NDRG2: variants seen among roughly 807,000 people sequenced by gnomAD.
NDRG2 encodes NDRG family member 2.
NDRG2 carries 34 observed loss-of-function variants against 58.2 expected under a neutral mutation model. The ratio of observed to expected loss-of-function variants is 0.58; its 90% CI spans 0.44 to 0.78. The LOEUF is 0.78. Among genes scored for constraint, NDRG2 ranks in the 30% least tolerant of loss-of-function variants. The probability of loss-of-function intolerance (pLI) is 0.00; values close to 1 mark genes in which losing one functional copy is unlikely to be tolerated. For synonymous variants in NDRG2, 187 were observed against 175.9 expected, an observed-to-expected ratio of 1.06 and a Z score of -0.50; for missense variants, 434 against 471.2, an observed-to-expected ratio of 0.92 and a Z score of 0.73.
chr14:21,044,613 G>T (rs1400047119), intron 1 of NDRG2, among the ~76,000 whole-genome samples: 1 of 152,110 alleles, frequency 6.6e-6, no homozygotes, highest in Non-Finnish European at 1.5e-5. Flanking sequence ...TGTCCCCCTG[G>T]GCTACAGATA....
At chr14:21,031,277 C>A (rs751758302) in intron 1 of NDRG2, 219 of 1,376,542 alleles carry the variant, frequency 1.6e-4, no homozygotes, top group Non-Finnish European at 2.0e-4. Context: ...CCGAAACAGA[C>A]TTTAGAGATC....
At chr14:21,056,699 T>G (rs1404604082) in intron 1 of NDRG2, among the ~76,000 whole-genome samples, 1 of 152,230 alleles carries the variant, frequency 6.6e-6, no homozygotes, top group Non-Finnish European at 1.5e-5. Context: ...CTTTCCTCTT[T>G]CCTTTTTAGC....
intron 11 of NDRG2, 89 bp from the exon 12 acceptor site, chr14:21,018,903 GCTCCAAAGAGGAAAGACACTTCTGTGT>G: frequency 6.5e-7 from 1 of 1,531,636 alleles, no homozygotes. Context: ...AAAATATCTG[GCTCCAAAGAGGAAAGACACTTCTGTGT>G]CTCCCTGCTG....
chr14:21,037,282 C>A (rs1468064690), intron 1 of NDRG2, among the ~76,000 whole-genome samples: 1 of 152,266 alleles, frequency 6.6e-6, no homozygotes, highest in Non-Finnish European at 1.5e-5. Flanking sequence ...CCTAGAGGTG[C>A]TGATGCATAA....
intron 1 of NDRG2, among the ~76,000 whole-genome samples, chr14:21,050,376 C>T (rs926519299): frequency 4.6e-5 from 7 of 152,176 alleles, no homozygotes; most frequent in Admixed American, 2.6e-4. Context: ...TCTGCTACTC[C>T]GGACCAGGGT....
At position 21,024,065 on chromosome 14, in the gene NDRG2, G is replaced by T; in HGVS notation, c.-42C>A. The T allele has an allele frequency of 2.0e-6, 2 of 985,586 alleles. No individual in the cohort carries two copies. Among genetic ancestry groups the T allele is most frequent in the South Asian group, 4.7e-5 (1 of 21,282 alleles). The allele number at this position is 985,586 out of a possible 1,614,324, so 61.1% of individuals were successfully genotyped here. ...TTGGCTGGATGCAGTGGGATTAGGG[G>T]TCAGGGTTCTCACTCCTTCTGACTC... On this transcript the variant is annotated 5_prime_UTR_variant, in exon 1 of 16. Coordinates refer to ENST00000556147, the MANE Select transcript of NDRG2 (RefSeq NM_001320329.2).
chr14:21,024,091 T>C lies in NDRG2; in HGVS notation c.-68A>G. 9 of 985,462 alleles carry C rather than the reference T, an allele frequency of 9.1e-6. No homozygotes were observed. Among genetic ancestry groups the C allele is most frequent in the Non-Finnish European group, 1.1e-5 (9 of 829,972 alleles). The allele number at this position is 985,462 out of a possible 1,614,324, so 61.0% of individuals were successfully genotyped here. Reference sequence around the variant, plus strand: ...TCAGGGTTCTCACTCCTTCTGACTCTGGGGTCTGAGAAAACACAGCAACGA... The same window carrying C: ...TCAGGGTTCTCACTCCTTCTGACTCCGGGGTCTGAGAAAACACAGCAACGA... On this transcript the variant is annotated 5_prime_UTR_variant, in exon 1 of 16. Coordinates refer to ENST00000556147, the MANE Select transcript of NDRG2 (RefSeq NM_001320329.2).
intron 1 of NDRG2, among the ~76,000 whole-genome samples, chr14:21,053,151 C>T (rs1042785185): frequency 3.3e-5 from 5 of 152,146 alleles, no homozygotes; most frequent in Admixed American, 2.6e-4. Context: ...AGTGAAGATT[C>T]ATGTCACTGA....
Position 21,017,975 on chromosome 14 carries a change from C to T in NDRG2, c.949+12G>A, listed in dbSNP as rs775223826. ...CTCCTCTAGTGCAGCAAGCTCTTGT[C>T]CCGATACTCACTGTAGCCCATGCCT... On this transcript the variant is annotated intron_variant, in intron 15 of 15. Coordinates refer to ENST00000556147, the MANE Select transcript of NDRG2 (RefSeq NM_001320329.2). 1.9e-6 allele frequency: 3 copies of T among 1,614,062 alleles called. No homozygotes were observed. Among genetic ancestry groups the T allele is most frequent in the Admixed American group, 1.7e-5 (1 of 60,010 alleles).
chr14:21,033,960 G>C (rs774419472), intron 1 of NDRG2: 5 of 1,613,936 alleles, frequency 3.1e-6, no homozygotes, highest in Non-Finnish European at 3.4e-6. Flanking sequence ...GGAGCAGACC[G>C]TGATGGGGAG....
At chr14:21,025,109 C>T (rs892599933), upstream of NDRG2, 1 of 985,088 alleles carries the variant, frequency 1.0e-6, no homozygotes, top group Non-Finnish European at 1.2e-6. This position sits in a 1 kb window ranked among gnomAD's most constrained non-coding sequence, Gnocchi z 5.1. Flanking sequence ...CAGACCCGCC[C>T]CCGGCCCGCC....
intron 1 of NDRG2, among the ~76,000 whole-genome samples, chr14:21,047,451 A>G (rs182850125): frequency 9.2e-5 from 14 of 152,328 alleles, no homozygotes; most frequent in Admixed American, 9.2e-4. Context: ...CAGCCAAGTT[A>G]AAGGATGCCA....
chr14:21,030,905 C>G, intron 1 of NDRG2: 1 of 1,518,634 alleles, frequency 6.6e-7, no homozygotes, highest in Non-Finnish European at 8.9e-7. Flanking sequence ...GAGACACTCA[C>G]TGATTGATAG....
chr14:21,043,856 G>A (rs368620532), intron 1 of NDRG2: 47 of 199,196 alleles, frequency 2.4e-4, no homozygotes, highest in African/African-American at 1.0e-3. Flanking sequence ...CAGCTCTGAC[G>A]TGGCAGTGAG....
At chr14:21,026,260 G>A (rs546483299), upstream of NDRG2, among the ~76,000 whole-genome samples, 1 of 152,234 alleles carries the variant, frequency 6.6e-6, no homozygotes, top group South Asian at 2.1e-4. Flanking sequence ...ATTCGAAGTT[G>A]TTTAGGCAAA....
At chr14:21,019,803 G>A in intron 9 of NDRG2, 61 bp from the exon 10 acceptor site, 1 of 1,516,882 alleles carries the variant, frequency 6.6e-7, no homozygotes, top group Non-Finnish European at 9.1e-7. Flanking sequence ...ATTACTGGAG[G>A]AAAAGAGGTA....
chr14:21,055,205 A>G (rs1011953548), intron 1 of NDRG2, among the ~76,000 whole-genome samples: 1 of 152,236 alleles, frequency 6.6e-6, no homozygotes, highest in African/African-American at 2.4e-5. Flanking sequence ...TTCCTTCTGC[A>G]TTCAAGGTTT....
At position 21,018,793 on chromosome 14, in the gene NDRG2, TACCA is replaced by T; in HGVS notation, c.779_782del (p.Val260GlufsTer37). ...CATCTTCATGAGGTGCTTGGTCTCC[TACCA>T]CCAGCATCACAGGACACCTAAAGAC... is the stretch of plus-strand genomic sequence containing the variant. On this transcript the variant is annotated frameshift_variant, in exon 12 of 16. Transcript: ENST00000556147. LOFTEE classifies it high-confidence loss of function. 1 of 1,614,140 alleles carries T rather than the reference TACCA, an allele frequency of 6.2e-7. No individual in the cohort carries two copies. Among genetic ancestry groups the T allele is most frequent in the South Asian group, 1.1e-5 (1 of 91,090 alleles).
chr14:21,057,946 G>A (rs146041346), intron 1 of NDRG2: 1 of 1,613,952 alleles, frequency 6.2e-7, no homozygotes, highest in African/African-American at 1.3e-5. Flanking sequence ...TTCTGGGGCT[G>A]TGGGTGGCAG....
Sources: allele counts gnomAD v4.1 joint callset (sites outside exome capture counted in the v4.1 genomes callset), GRCh38; gene constraint gnomAD v4.1.1; non-coding constraint Gnocchi (gnomAD v3.1); transcripts MANE v1.5; gene names NCBI Gene and HGNC (gene_info 2026-07-23, HGNC 2026-07-21).